Variants in SI observed in about 807,000 individuals in gnomAD.
SI encodes the protein sucrase-isomaltase.
SI carries 235 observed loss-of-function variants against 253.3 expected under a neutral mutation model. The ratio of observed to expected loss-of-function variants is 0.93; its 90% CI spans 0.83 to 1.03. SI has a LOEUF of 1.03. Ranked by LOEUF, SI falls within the 50% of genes least tolerant of loss-of-function variation. The pLI, the probability that SI is intolerant of heterozygous loss-of-function variation, is 0.00. For missense variants in SI, 2,442 were observed against 2,211.1 expected (o/e 1.10, Z -2.09); for synonymous variants, 819 against 712.0 (o/e 1.15, Z -2.39).
intron 3 of SI, among the ~76,000 whole-genome samples, chr3:165,071,251 C>T (rs933041149): frequency 3.3e-5 from 5 of 151,934 alleles, no homozygotes; most frequent in East Asian, 3.9e-4. Flanking sequence ...CCTGTTGTTG[C>T]TTTCAAAATA....
intron 7 of SI, among the ~76,000 whole-genome samples, 161 bp downstream of exon 7, chr3:165,065,100 T>A (rs964036974): frequency 6.6e-6 from 1 of 151,996 alleles, no homozygotes; most frequent in Non-Finnish European, 1.5e-5. Context: ...TTAGAACCTA[T>A]CAATTGTCCC....
At chr3:165,046,115 G>A (rs1442473090) in intron 16 of SI, among the ~76,000 whole-genome samples, 2 of 151,976 alleles carry the variant, frequency 1.3e-5, no homozygotes, top group Admixed American at 6.6e-5. Flanking sequence ...ACAGGAGTGA[G>A]CCACCTTGTC....
At chr3:165,045,368 T>G (rs140182994) in intron 16 of SI, among the ~76,000 whole-genome samples, 1 of 152,204 alleles carries the variant, frequency 6.6e-6, no homozygotes, top group African/African-American at 2.4e-5. Flanking sequence ...AGTCCTACAT[T>G]TAGTTTTAAT....
chr3:164,995,580 T>C (rs1365255257), intron 40 of SI, among the ~76,000 whole-genome samples: 2 of 151,774 alleles, frequency 1.3e-5, no homozygotes, highest in Non-Finnish European at 2.9e-5. Flanking sequence ...CATTTGAATT[T>C]TCCTTAAAAA....
At position 165,012,994 on chromosome 3, in the gene SI, C is replaced by A. The variant is rs759574456; in HGVS notation, c.4048G>T (p.Asp1350Tyr). 1.2e-6 allele frequency: 2 copies of A among 1,607,502 alleles called. No individual in the cohort carries two copies. Among genetic ancestry groups the A allele is most frequent in the African/African-American group, 2.7e-5 (2 of 74,918 alleles). Residue 1350 changes from aspartate to tyrosine, a missense_variant, in exon 34 of 48, where the codon GAT becomes TAT. Coordinates refer to ENST00000264382, the MANE Select transcript of SI (RefSeq NM_001041.4). ...NITIDKTLTE[D>Y]EAVNASRAHV... ...GTAAAACTTACATTAACAGCTTCAT[C>A]TTCCGTTAGAGTTTTATCTATTGTT...
In SI at chr3:165,009,346, G is replaced by A. The variant is rs1718661157; in HGVS notation, c.4112C>T (p.Ala1371Val). Residue 1371 changes from alanine (A) to valine (V), a missense_variant, in exon 35 of 48, where the codon GCA (alanine) becomes GTA (valine). Ala to Val is a moderately conservative substitution (Grantham distance 64). Coordinates refer to ENST00000264382, the MANE Select transcript of SI (RefSeq NM_001041.4). ...CACAATTTCTCTGGCCCACCACTCT[G>A]CTGTGGAAGTCCTGAAGAAATCTGG... Reference protein sequence around the residue: ...AFPDFFRTSTAEWWAREIVDF... With the variant: ...AFPDFFRTSTVEWWAREIVDF... The A allele has an allele frequency of 6.2e-7, 1 of 1,613,596 alleles. No homozygotes were observed. The highest frequency in any genetic ancestry group is 8.5e-7 in the Non-Finnish European group (1 of 1,179,688).
intron 37 of SI, among the ~76,000 whole-genome samples, chr3:165,000,500 T>C (rs180725431): frequency 5.3e-5 from 8 of 151,588 alleles, no homozygotes; most frequent in Admixed American, 2.0e-4. Flanking sequence ...ATTAGCCTTA[T>C]TTGATCATTT....
At chr3:165,071,487 G>A (rs1487319425) in intron 3 of SI, among the ~76,000 whole-genome samples, 1 of 150,814 alleles carries the variant, frequency 6.6e-6, no homozygotes. Context: ...TACATTATAA[G>A]TGATTATATA....
At chr3:164,986,268 G>A (rs1435991994) in intron 45 of SI, among the ~76,000 whole-genome samples, 1 of 152,052 alleles carries the variant, frequency 6.6e-6, no homozygotes, top group African/African-American at 2.4e-5. Flanking sequence ...ATAGAAACTA[G>A]AATTCCTTTT....
intron 25 of SI, among the ~76,000 whole-genome samples, chr3:165,029,138 A>G (rs1054490377): frequency 2.0e-5 from 3 of 151,596 alleles, no homozygotes; most frequent in African/African-American, 4.8e-5. Flanking sequence ...GACAAATCTC[A>G]AAAGAAAAGA....
At chr3:165,077,333 T>G (rs1306637535) in intron 1 of SI, among the ~76,000 whole-genome samples, 1 of 151,692 alleles carries the variant, frequency 6.6e-6, no homozygotes, top group Non-Finnish European at 1.5e-5. Context: ...TTTCTTCATT[T>G]ACCATAGCAT....
intron 10 of SI, among the ~76,000 whole-genome samples, chr3:165,059,688 T>A (rs1249233717): frequency 2.6e-5 from 4 of 151,996 alleles, no homozygotes; most frequent in African/African-American, 7.2e-5. Flanking sequence ...TGTTCTAGTA[T>A]AACTAACAAT....
the SI span, among the ~76,000 whole-genome samples, chr3:165,089,824 C>A: frequency 6.6e-6 from 1 of 151,156 alleles, no homozygotes. Context: ...CTCCGTTCTC[C>A]GGCATGTAAG....
At chr3:165,075,121 G>T (rs141903917) in intron 2 of SI, among the ~76,000 whole-genome samples, 1 of 151,942 alleles carries the variant, frequency 6.6e-6, no homozygotes, top group African/African-American at 2.4e-5. Flanking sequence ...GATAGGTAAA[G>T]TAGAGAAAGC....
rs552034126 is a variant in SI, at chr3:165,032,818, C to A, written c.2566-126G>T. 5.8e-4 allele frequency: 349 copies of A among 596,664 alleles called. 1 individual carries two copies. Among genetic ancestry groups the A allele is most frequent in the South Asian group, 4.3e-3 (193 of 45,104 alleles). The allele number at this position is 596,664 out of a possible 1,614,324, so 37.0% of individuals were successfully genotyped here. Reference sequence around the variant, plus strand: ...CTCTATTCCCACCAGCTCTCCTCATCCAAGTAGCACATAGAAATATACTCA... The same window carrying A: ...CTCTATTCCCACCAGCTCTCCTCATACAAGTAGCACATAGAAATATACTCA... On this transcript the variant is annotated intron_variant, in intron 23 of 47. Coordinates refer to ENST00000264382, the MANE Select transcript of SI (RefSeq NM_001041.4).
At chr3:165,073,259 C>T (rs1041650768) in intron 3 of SI, among the ~76,000 whole-genome samples, 10 of 150,398 alleles carry the variant, frequency 6.6e-5, no homozygotes, top group South Asian at 4.2e-4. Context: ...TCTTTCGAGA[C>T]GGAGTCTCGC....
rs886058149 is a variant in SI, at chr3:165,059,050, A to G, written c.1311T>C (p.Asn437=). 27 of 1,612,544 alleles carry G rather than the reference A, an allele frequency of 1.7e-5. No homozygotes were observed. The highest frequency in any genetic ancestry group is 2.2e-5 in the East Asian group (1 of 44,724). ...DPAISIGRRA[N]GTTYATYERG... ...TCTCATAGGTTGCATATGTTGTTCC[A>G]TTGGCACGTCGACCTATGGAAATTG... is the stretch of plus-strand genomic sequence containing the variant. The change falls in exon 12 of 48, where the codon AAT becomes AAC. Residue 437 remains asparagine (N), a synonymous_variant. Transcript: ENST00000264382.
In SI at chr3:164,980,976, T is replaced by C. The variant is rs187306893; in HGVS notation, c.5415+1267A>G. Among the ~76,000 whole-genome samples the C allele has an allele frequency of 9.5e-3, 1,450 of 152,068 alleles. 30 individuals carry two copies. The highest frequency in any genetic ancestry group is 8.9e-3 in the Non-Finnish European group (604 of 67,936). On this transcript the variant is annotated intron_variant, in intron 47 of 47. Coordinates refer to ENST00000264382, the MANE Select transcript of SI (RefSeq NM_001041.4). ...GATTTCTAATTGTGATTGATAACTA[T>C]TGAGTAGTTGTTTTGGGGAATTAAT...
At chr3:165,011,024 T>C (rs1465837634) in intron 34 of SI, among the ~76,000 whole-genome samples, 1 of 152,198 alleles carries the variant, frequency 6.6e-6, no homozygotes, top group African/African-American at 2.4e-5. Flanking sequence ...CCTAAACTTG[T>C]ATAATTTAAT....
Sources: allele counts gnomAD v4.1 joint callset (sites outside exome capture counted in the v4.1 genomes callset), GRCh38; gene constraint gnomAD v4.1.1; transcripts MANE v1.5; gene names NCBI Gene and HGNC (gene_info 2026-07-23, HGNC 2026-07-21).